The following RBFOX1 variants were observed in gnomAD, a reference collection of about 807,000 sequenced individuals.
The protein encoded by RBFOX1 is RNA binding fox-1 homolog 1.
RBFOX1 carries 8 observed loss-of-function variants against 57.7 expected under a neutral mutation model. That is an observed-to-expected ratio of 0.14 (90% CI 0.08 to 0.25). RBFOX1 has a LOEUF of 0.25. Ranked by LOEUF, RBFOX1 falls within the 10% of genes least tolerant of loss-of-function variation. The pLI, the probability that RBFOX1 is intolerant of heterozygous loss-of-function variation, is 1.00. For synonymous variants in RBFOX1, 326 were observed against 222.4 expected (o/e 1.47, Z -4.15); for missense variants, 611 against 548.5 (o/e 1.11, Z -1.14).
At chr16:6,352,293 T>C (rs535836390) in intron 2 of RBFOX1, among the ~76,000 whole-genome samples, 1 of 152,288 alleles carries the variant, frequency 6.6e-6, no homozygotes, top group South Asian at 2.1e-4. Flanking sequence ...GTTGTTTCTT[T>C]TGTTGCTAGG....
chr16:7,533,268 G>C (rs780783543), intron 5 of RBFOX1, among the ~76,000 whole-genome samples: 9 of 152,102 alleles, frequency 5.9e-5, no homozygotes, highest in Non-Finnish European at 1.0e-4. Flanking sequence ...CCATCAAACT[G>C]GACTTCCCTG....
At chr16:6,973,530 G>T (rs77720180) in intron 3 of RBFOX1, among the ~76,000 whole-genome samples, 6 of 152,268 alleles carry the variant, frequency 3.9e-5, no homozygotes, top group Non-Finnish European at 7.4e-5. Flanking sequence ...GCTCAACGTT[G>T]ATTTTTCAGC....
chr16:6,171,481 T>C (rs2096960225), intron 1 of RBFOX1, among the ~76,000 whole-genome samples: 2 of 152,158 alleles, frequency 1.3e-5, no homozygotes, highest in Non-Finnish European at 2.9e-5. Context: ...AAAGATGAAA[T>C]TTAGACACAT....
chr16:6,652,238 C>G (rs570881672), intron 2 of RBFOX1, among the ~76,000 whole-genome samples: 11 of 152,238 alleles, frequency 7.2e-5, no homozygotes, highest in Admixed American at 5.9e-4. Flanking sequence ...ATCACTAGGT[C>G]AAGAGATCGA....
intron 3 of RBFOX1, among the ~76,000 whole-genome samples, chr16:5,807,367 A>G (rs2055264811): frequency 6.6e-6 from 1 of 152,144 alleles, no homozygotes; most frequent in African/African-American, 2.4e-5. Context: ...AGGATGCCAC[A>G]GGGCCAGGAC....
At chr16:6,278,642 T>A (rs1188327415) in intron 1 of RBFOX1, among the ~76,000 whole-genome samples, 1 of 152,104 alleles carries the variant, frequency 6.6e-6, no homozygotes, top group South Asian at 2.1e-4. Flanking sequence ...ATTTTTAGGT[T>A]GTTAAAAAAA....
intron 3 of RBFOX1, among the ~76,000 whole-genome samples, chr16:6,922,658 G>A (rs550067394): frequency 1.1e-4 from 17 of 152,164 alleles, no homozygotes; most frequent in African/African-American, 4.1e-4. Context: ...TAAGCCAGGT[G>A]AGGGTGGAGT....
intron 4 of RBFOX1, among the ~76,000 whole-genome samples, chr16:7,101,819 C>G (rs936864045): frequency 1.3e-5 from 2 of 152,102 alleles, no homozygotes; most frequent in Admixed American, 6.5e-5. Context: ...AATCACTGAG[C>G]TAGGGATTTC....
intron 1 of RBFOX1, among the ~76,000 whole-genome samples, chr16:6,122,498 C>G (rs551146914): frequency 6.6e-6 from 1 of 152,066 alleles, no homozygotes; most frequent in South Asian, 2.1e-4. Context: ...CTTTCTCATT[C>G]GAGTTAATCT....
At chr16:5,464,339 A>G (rs1172697250) in intron 1 of RBFOX1, among the ~76,000 whole-genome samples, 1 of 152,238 alleles carries the variant, frequency 6.6e-6, no homozygotes. Flanking sequence ...TGGAGGGCAA[A>G]GGGCAGACCC....
At chr16:5,933,102 T>C (rs182808814) in intron 4 of RBFOX1, among the ~76,000 whole-genome samples, 2 of 152,172 alleles carry the variant, frequency 1.3e-5, no homozygotes, top group South Asian at 2.1e-4. Context: ...ATCAGGAAAA[T>C]TACTTCTTCT....
intron 4 of RBFOX1, among the ~76,000 whole-genome samples, chr16:7,490,326 G>A (rs1387696987): frequency 6.6e-6 from 1 of 152,182 alleles, no homozygotes; most frequent in Non-Finnish European, 1.5e-5. Context: ...GCTAGACTAG[G>A]GGAGGCTCAG....
At chr16:6,383,296 C>G (rs537652321) in intron 2 of RBFOX1, among the ~76,000 whole-genome samples, 51 of 152,348 alleles carry the variant, frequency 3.3e-4, no homozygotes, top group Middle Eastern at 3.4e-3. Context: ...AACTTGGCAT[C>G]AGTTGACTCT....
At chr16:5,414,698 C>T (rs758523792) in intron 1 of RBFOX1, among the ~76,000 whole-genome samples, 89 of 152,120 alleles carry the variant, frequency 5.9e-4, no homozygotes, top group Non-Finnish European at 1.2e-3. Context: ...TGCTGAAATT[C>T]AAAATGACCT....
chr16:6,766,354 C>G (rs75390004), intron 3 of RBFOX1, among the ~76,000 whole-genome samples: 69 of 151,890 alleles, frequency 4.5e-4, no homozygotes, highest in African/African-American at 1.6e-3. Flanking sequence ...ATAACTTTTC[C>G]TACTTGAGCA....
intron 1 of RBFOX1, among the ~76,000 whole-genome samples, chr16:6,091,044 C>T (rs989836575): frequency 6.6e-6 from 1 of 152,178 alleles, no homozygotes; most frequent in African/African-American, 2.4e-5. Context: ...TTGATCAATT[C>T]TTTCTGTTGG....
intron 14 of RBFOX1, among the ~76,000 whole-genome samples, chr16:7,683,805 A>C (rs2075445927): frequency 6.6e-6 from 1 of 151,570 alleles, no homozygotes; most frequent in African/African-American, 2.4e-5. Context: ...TTGAGAATAT[A>C]CGTGCAAAGC....
chr16:5,561,305 A>G (rs547040934), intron 2 of RBFOX1, among the ~76,000 whole-genome samples: 1 of 152,340 alleles, frequency 6.6e-6, no homozygotes, highest in East Asian at 1.9e-4. Flanking sequence ...AGTTGGAATC[A>G]ATATGTATTT....
intron 3 of RBFOX1, among the ~76,000 whole-genome samples, chr16:5,775,849 A>G (rs576855442): frequency 2.0e-5 from 3 of 152,234 alleles, no homozygotes; most frequent in Admixed American, 2.0e-4. Flanking sequence ...GCAGGCGTCC[A>G]TGGGAGAAAG....
Sources: allele counts gnomAD v4.1 joint callset (sites outside exome capture counted in the v4.1 genomes callset), GRCh38; gene constraint gnomAD v4.1.1; transcripts MANE v1.5; gene names NCBI Gene and HGNC (gene_info 2026-07-23, HGNC 2026-07-21).